SYT1: variants seen among roughly 807,000 people sequenced by gnomAD.
SYT1 encodes synaptotagmin 1.
In SYT1, 8 loss-of-function variants were observed where a neutral mutation model predicts 44.8. The ratio of observed to expected loss-of-function variants is 0.18; its 90% CI spans 0.10 to 0.32. The LOEUF (loss-of-function observed/expected upper bound fraction) is 0.32, where lower values mean the gene tolerates loss of function less well. SYT1 is among the 10% of genes least tolerant of loss of function. The pLI is 1.00. For synonymous variants in SYT1, 154 were observed against 188.8 expected (o/e 0.82, Z 1.51); for missense variants, 286 against 509.3 (o/e 0.56, Z 4.22).
chr12:78,876,878 G>A (rs373194321), intron 1 of SYT1, among the ~76,000 whole-genome samples: 445 of 12,186 alleles, frequency 0.037, 2 homozygotes, highest in Non-Finnish European at 0.071. Context: ...TATATTATAT[G>A]TATTATATAT....
chr12:79,039,819 G>A (rs1034812359), intron 2 of SYT1, among the ~76,000 whole-genome samples: 1 of 128,628 alleles, frequency 7.8e-6, no homozygotes, highest in Non-Finnish European at 1.6e-5. Flanking sequence ...TCCCCTTCCT[G>A]TGTCCATGTG....
intron 5 of SYT1, chr12:79,291,682 T>A (rs1353151918): frequency 1.8e-5 from 8 of 437,446 alleles, no homozygotes; most frequent in African/African-American, 1.6e-4. Context: ...TGTTTATCTT[T>A]CCTCTGAAAG....
chr12:78,962,944 C>T (rs1202353552), intron 1 of SYT1, among the ~76,000 whole-genome samples: 1 of 151,998 alleles, frequency 6.6e-6, no homozygotes, highest in African/African-American at 2.4e-5. Flanking sequence ...AACTTCATAC[C>T]AATTGAACAA....
At chr12:78,897,673 A>G (rs1031478593) in intron 1 of SYT1, among the ~76,000 whole-genome samples, 2 of 152,100 alleles carry the variant, frequency 1.3e-5, no homozygotes, top group Non-Finnish European at 2.9e-5. Context: ...GGCAGAGCCT[A>G]TGCTAGGGCT....
At chr12:78,895,138 C>A (rs1875287935) in intron 1 of SYT1, among the ~76,000 whole-genome samples, 1 of 151,502 alleles carries the variant, frequency 6.6e-6, no homozygotes, top group African/African-American at 2.4e-5. Context: ...TCCATACCAT[C>A]CTGCAAAATA....
intron 8 of SYT1, among the ~76,000 whole-genome samples, chr12:79,342,566 T>C (rs1882426299): frequency 6.6e-6 from 1 of 152,164 alleles, no homozygotes; most frequent in Non-Finnish European, 1.5e-5. Flanking sequence ...ATTCTAAGAG[T>C]AAATTTCAGG....
intron 3 of SYT1, among the ~76,000 whole-genome samples, chr12:79,130,196 T>C (rs900383230): frequency 6.6e-6 from 1 of 152,206 alleles, no homozygotes; most frequent in Non-Finnish European, 1.5e-5. Context: ...CACAGTGAGC[T>C]GTAACTGAGT....
chr12:79,296,462 T>C (rs138536030), intron 7 of SYT1, among the ~76,000 whole-genome samples: 2 of 152,302 alleles, frequency 1.3e-5, no homozygotes, highest in Non-Finnish European at 2.9e-5. Context: ...TGGAATGGAC[T>C]AGAACATGAC....
chr12:78,969,252 C>T (rs1868319819), intron 1 of SYT1, among the ~76,000 whole-genome samples: 1 of 152,016 alleles, frequency 6.6e-6, no homozygotes, highest in African/African-American at 2.4e-5. Flanking sequence ...TCTTGAATAG[C>T]CAAAGATTTT....
intron 9 of SYT1, among the ~76,000 whole-genome samples, chr12:79,403,856 C>T (rs1468186826): frequency 6.6e-6 from 1 of 152,152 alleles, no homozygotes; most frequent in Non-Finnish European, 1.5e-5. Flanking sequence ...AATAAACCTT[C>T]CTTCCTGGTG....
intron 3 of SYT1, among the ~76,000 whole-genome samples, chr12:79,208,702 A>G (rs903023480): frequency 6.6e-6 from 1 of 152,176 alleles, no homozygotes; most frequent in Admixed American, 6.5e-5. Flanking sequence ...TGAGCATGCA[A>G]TATTTCCTTC....
At position 79,211,715 on chromosome 12, in the gene SYT1, T is replaced by C. The variant is rs547148645; in HGVS notation, c.-17-5788T>C. 1.1e-4 allele frequency among the ~76,000 whole-genome samples: 17 copies of C among 151,784 alleles called. No individual in the cohort carries two copies. The East Asian group carries it at 3.3e-3, about 30-fold the overall frequency. ...GTTTGGTTTTTTGTTCTTGTGATAG[T>C]TTACTGAGAATGATGATTTCCAATT... is the stretch of plus-strand genomic sequence containing the variant. On this transcript the variant is annotated intron_variant, in intron 3 of 10. Coordinates refer to ENST00000261205, the MANE Select transcript of SYT1 (RefSeq NM_005639.3).
intron 1 of SYT1, among the ~76,000 whole-genome samples, chr12:78,894,367 T>G (rs12299749): frequency 1.3e-3 from 129 of 98,136 alleles, no homozygotes; most frequent in African/African-American, 5.0e-3. Context: ...TTTTTTTTTG[T>G]GATCACCATA....
intron 2 of SYT1, among the ~76,000 whole-genome samples, chr12:79,011,455 C>G (rs906494151): frequency 1.3e-5 from 2 of 151,560 alleles, no homozygotes; most frequent in African/African-American, 4.9e-5. Context: ...TCATCAGAGA[C>G]CCTAAGAATA....
intron 3 of SYT1, among the ~76,000 whole-genome samples, chr12:79,095,816 C>T (rs1431197777): frequency 1.3e-5 from 2 of 151,918 alleles, no homozygotes; most frequent in Non-Finnish European, 2.9e-5. Flanking sequence ...CCTCCCTCTT[C>T]CTTCTGAAGA....
intron 3 of SYT1, among the ~76,000 whole-genome samples, chr12:79,141,023 TG>T (rs1452919795): frequency 6.6e-6 from 1 of 152,240 alleles, no homozygotes; most frequent in African/African-American, 2.4e-5. Flanking sequence ...AGCCAGGTTT[TG>T]CCCCTTGCTT....
At chr12:79,042,858 T>C (rs1254003636) in intron 2 of SYT1, among the ~76,000 whole-genome samples, 2 of 151,928 alleles carry the variant, frequency 1.3e-5, no homozygotes, top group Non-Finnish European at 2.9e-5. Context: ...AGAACATCTT[T>C]ATTTCTGCCT....
chr12:79,120,304 G>A (rs1442934756), intron 3 of SYT1, among the ~76,000 whole-genome samples: 2 of 152,094 alleles, frequency 1.3e-5, no homozygotes, highest in East Asian at 1.9e-4. Flanking sequence ...GGGGGAGAGA[G>A]AAAGGGAGGC....
chr12:78,968,942 C>T (rs1868312924), intron 1 of SYT1, among the ~76,000 whole-genome samples: 1 of 152,062 alleles, frequency 6.6e-6, no homozygotes, highest in Non-Finnish European at 1.5e-5. Flanking sequence ...AACAAATGAA[C>T]AAGTAAACAA....
Sources: gnomAD v4.1 joint callset for allele counts (sites outside exome capture counted in the v4.1 genomes callset) on GRCh38, gnomAD v4.1.1 for gene constraint, MANE v1.5 for transcripts, NCBI Gene and HGNC (gene_info 2026-07-23, HGNC 2026-07-21) for gene names.